DNAJB14: variants seen among roughly 807,000 people sequenced by gnomAD.
DNAJB14 encodes dnaJ homolog subfamily B member 14.
Under a neutral mutation model 48.4 loss-of-function variants are expected in DNAJB14, and 22 were observed. The ratio of observed to expected loss-of-function variants is 0.45; its 90% CI spans 0.32 to 0.65. The LOEUF (loss-of-function observed/expected upper bound fraction) is 0.65, where lower values mean the gene tolerates loss of function less well. DNAJB14 is among the 30% of genes least tolerant of loss of function. The pLI, the probability that DNAJB14 is intolerant of heterozygous loss-of-function variation, is 0.03. For synonymous variants in DNAJB14, 142 were observed against 158.7 expected, an observed-to-expected ratio of 0.89 and a Z score of 0.79; for missense variants, 319 against 458.8, an observed-to-expected ratio of 0.70 and a Z score of 2.78.
chr4:99,940,704 G>C (rs78912419), intron 1 of DNAJB14, among the ~76,000 whole-genome samples: 1,677 of 146,266 alleles, frequency 0.011, 36 homozygotes, highest in African/African-American at 0.04. Flanking sequence ...ACTCTAGTTA[G>C]CTAGCTGTCT....
chr4:99,925,493 C>T (rs1022503184), intron 2 of DNAJB14: 1 of 152,104 alleles, frequency 6.6e-6, no homozygotes, highest in Non-Finnish European at 1.5e-5. Flanking sequence ...ATTTACTCCT[C>T]ATTTGGTAGA....
chr4:99,920,493 CT>C (rs1001508397), intron 3 of DNAJB14, among the ~76,000 whole-genome samples: 1 of 152,162 alleles, frequency 6.6e-6, no homozygotes, highest in Non-Finnish European at 1.5e-5. Flanking sequence ...CAAATAGTCT[CT>C]GAAATACTTG....
chr4:99,919,586 AAAACAAACAAAC>A lies in DNAJB14; in HGVS notation c.451+3442_451+3453del, dbSNP rs112393273. ...GTGACAGAGCAAGACTCCATCTTAAAAAACAAACAAACAAACAAACAAACAAAAACCTAAGCA... is the reference window on the plus strand; with the variant it reads ...GTGACAGAGCAAGACTCCATCTTAAAAAACAAACAAACAAAAACCTAAGCA... On this transcript the variant is annotated intron_variant, in intron 3 of 7. Coordinates refer to ENST00000442697, the MANE Select transcript of DNAJB14 (RefSeq NM_001031723.4). Among the ~76,000 whole-genome samples the A allele has an allele frequency of 1.3e-3, 195 of 150,792 alleles. 1 individual carries two copies. The highest frequency in any genetic ancestry group is 3.4e-3 in the Middle Eastern group (1 of 294).
intron 1 of DNAJB14, among the ~76,000 whole-genome samples, chr4:99,934,814 AAAAAAG>A (rs1726610997): frequency 6.8e-6 from 1 of 147,846 alleles, no homozygotes; most frequent in African/African-American, 2.5e-5. Flanking sequence ...AAAAAAAAAA[AAAAAAG>A]AAAAGAAAAA....
chr4:99,924,305 G>GT (rs1726168746), intron 2 of DNAJB14: 1 of 140,448 alleles, frequency 7.1e-6, no homozygotes, highest in African/African-American at 2.7e-5. Flanking sequence ...AAAGAGACAA[G>GT]ATTTTTTTTT....
At chr4:99,941,406 T>C (rs1726885569) in intron 1 of DNAJB14, among the ~76,000 whole-genome samples, 1 of 152,266 alleles carries the variant, frequency 6.6e-6, no homozygotes, top group South Asian at 2.1e-4. Flanking sequence ...AAACATACTA[T>C]CAACTCCAAG....
chr4:99,915,031 G>C (rs1725800854), intron 3 of DNAJB14, among the ~76,000 whole-genome samples: 1 of 151,004 alleles, frequency 6.6e-6, no homozygotes, highest in Non-Finnish European at 1.5e-5. Context: ...AATTTCTTTT[G>C]CTTGCTTTGA....
chr4:99,933,857 TA>T, intron 1 of DNAJB14, among the ~76,000 whole-genome samples: 1 of 152,122 alleles, frequency 6.6e-6, no homozygotes, highest in African/African-American at 2.4e-5. Flanking sequence ...CAGTGGAGTA[TA>T]ATACAGGGGC....
At position 99,908,948 on chromosome 4, in the gene DNAJB14, G is replaced by T. The variant is rs373463406; in HGVS notation, c.452-52C>A. The T allele has an allele frequency of 5.2e-5, 68 of 1,304,784 alleles. No homozygotes were observed. The African/African-American group carries it at 7.8e-4, about 15-fold the overall frequency. The allele number at this position is 1,304,784 out of a possible 1,614,324, so 80.8% of individuals were successfully genotyped here. On this transcript the variant is annotated intron_variant, in intron 3 of 7. Transcript: ENST00000442697. Reference sequence around the variant, plus strand: ...TAAGCAAAGTTTTTATATTATAAAAGGCTGCCCCACATAAAAACTAACATC... The same window carrying T: ...TAAGCAAAGTTTTTATATTATAAAATGCTGCCCCACATAAAAACTAACATC...
intron 1 of DNAJB14, among the ~76,000 whole-genome samples, chr4:99,943,597 G>A (rs2110227740): frequency 6.6e-6 from 1 of 152,264 alleles, no homozygotes; most frequent in African/African-American, 2.4e-5. Context: ...TATGAGATCA[G>A]TACATTGTCT....
At chr4:99,929,152 G>T (rs1323429353) in intron 2 of DNAJB14, 4 of 152,730 alleles carry the variant, frequency 2.6e-5, no homozygotes, top group African/African-American at 9.7e-5. Context: ...GAGTGCAGTG[G>T]TGTGATCTTG....
In DNAJB14 at chr4:99,905,647, T is replaced by A. The variant is rs373187445; in HGVS notation, c.792A>T (p.Leu264Phe). The A allele has an allele frequency of 6.2e-7, 1 of 1,612,144 alleles. No homozygotes were observed. Among genetic ancestry groups the A allele is most frequent in the African/African-American group, 1.3e-5 (1 of 74,832 alleles). ...MPIIVLILVS[L>F]LSQLMVSNPP... ...GATTAGAGACCATCAACTGGCTTAATAATGACACGAGGATCAATACAATTA... is the reference window on the plus strand; with the variant it reads ...GATTAGAGACCATCAACTGGCTTAAAAATGACACGAGGATCAATACAATTA... The change falls in exon 6 of 8, where the codon TTA (leucine) becomes TTT (phenylalanine). Residue 264 changes from leucine to phenylalanine, a missense_variant. Around this residue, in one of 3 missense-constraint regions of DNAJB14, gnomAD observed 166 missense variants for 236.3 expected, o/e 0.70. Transcript: ENST00000442697.
At chr4:99,909,225 A>G (rs1725572320) in intron 3 of DNAJB14, among the ~76,000 whole-genome samples, 1 of 152,066 alleles carries the variant, frequency 6.6e-6, no homozygotes, top group African/African-American at 2.4e-5. Context: ...AGTAGCTATC[A>G]TTTATTGAGT....
intron 4 of DNAJB14, among the ~76,000 whole-genome samples, chr4:99,907,323 T>C (rs987226584): frequency 4.1e-4 from 63 of 152,154 alleles, no homozygotes; most frequent in African/African-American, 1.5e-3. Flanking sequence ...AGTCATTAAT[T>C]TGCATTTATA....
intron 7 of DNAJB14, among the ~76,000 whole-genome samples, chr4:99,901,825 C>G (rs897982269): frequency 6.6e-6 from 1 of 151,966 alleles, no homozygotes; most frequent in African/African-American, 2.4e-5. Context: ...TTATTAATAC[C>G]TGTAAAGACT....
rs1427162338 is a variant in DNAJB14, at chr4:99,905,981, C to A, written c.733-275G>T. On this transcript the variant is annotated intron_variant, in intron 5 of 7. Transcript: ENST00000442697. Reference sequence around the variant, plus strand: ...TTCTCTTTCTCTTTCCCGACTCCCTCCCCCCCACACACAGAGACGCTATCA... The same window carrying A: ...TTCTCTTTCTCTTTCCCGACTCCCTACCCCCCACACACAGAGACGCTATCA... The A allele has an allele frequency of 3.9e-6, 5 of 1,272,192 alleles. No individual in the cohort carries two copies. The African/African-American group carries it at 4.6e-5, about 12-fold the overall frequency. The allele number at this position is 1,272,192 out of a possible 1,614,324, so 78.8% of individuals were successfully genotyped here.
At chr4:99,943,911 T>C (rs1220232983) in intron 1 of DNAJB14, among the ~76,000 whole-genome samples, 2 of 152,140 alleles carry the variant, frequency 1.3e-5, no homozygotes, top group Non-Finnish European at 2.9e-5. Context: ...TAAAAACTTA[T>C]GTGCATCAAA....
rs759684258 is a variant in DNAJB14, at chr4:99,923,167, A to G, written c.324T>C (p.Asn108=). The G allele has an allele frequency of 6.2e-7, 1 of 1,611,468 alleles. No homozygotes were observed. The highest frequency in any genetic ancestry group is 1.7e-5 in the Admixed American group (1 of 59,732). Residue 108 remains asparagine, a synonymous_variant, in exon 3 of 8, where the codon AAT becomes AAC. Coordinates refer to ENST00000442697, the MANE Select transcript of DNAJB14 (RefSeq NM_001031723.4). ...TCGTAACTCCAAGTACTTCATAGTA[A>G]TTTTTACATTTGTTTATGCTGTGAA... is the stretch of plus-strand genomic sequence containing the variant. ...DGVLSINKCK[N]YYEVLGVTKD...
chr4:99,937,534 T>TG (rs1726723143), intron 1 of DNAJB14, among the ~76,000 whole-genome samples: 1 of 147,596 alleles, frequency 6.8e-6, no homozygotes, highest in African/African-American at 2.5e-5. Context: ...CAGACCTGCC[T>TG]GGGCAACATA....
Sources: allele counts gnomAD v4.1 joint callset (sites outside exome capture counted in the v4.1 genomes callset), GRCh38; gene constraint gnomAD v4.1.1; regional missense constraint gnomAD v4.1.1; transcripts MANE v1.5; gene names NCBI Gene and HGNC (gene_info 2026-07-23, HGNC 2026-07-21).